Variants in TRAM1 observed in about 807,000 individuals in gnomAD.
The protein encoded by TRAM1 is translocating chain-associated membrane protein 1.
A neutral mutation model predicts 48.7 loss-of-function variants in TRAM1; 17 were observed. That is an observed-to-expected ratio of 0.35 (90% CI 0.24 to 0.52). The LOEUF (loss-of-function observed/expected upper bound fraction) is 0.52, where lower values mean the gene tolerates loss of function less well. Ranked by LOEUF, TRAM1 falls within the 20% of genes least tolerant of loss-of-function variation. The pLI is 0.94. For missense variants in TRAM1, 351 were observed against 441.5 expected (o/e 0.79, Z 1.84); for synonymous variants, 182 against 154.0 (o/e 1.18, Z -1.34).
At chr8:70,594,688 C>A in intron 5 of TRAM1, 98 bp from the exon 6 acceptor site, 1 of 894,882 alleles carries the variant, frequency 1.1e-6, no homozygotes, top group East Asian at 2.8e-5. Context: ...AAGTAACTAC[C>A]TTTGTGTCAT....
Position 70,608,064 on chromosome 8 carries a change from G to C in TRAM1, c.123+13C>G, listed in dbSNP as rs759432076. Reference sequence around the variant, plus strand: ...GTGGCGGGGCAGGCGGTTGGGACTCGGGGCGGGCTCACCTCAAACATGAGC... The same window carrying C: ...GTGGCGGGGCAGGCGGTTGGGACTCCGGGCGGGCTCACCTCAAACATGAGC... On this transcript the variant is annotated intron_variant, in intron 1 of 10. Transcript: ENST00000262213. 6.3e-7 allele frequency: 1 copy of C among 1,583,408 alleles called. No individual in the cohort carries two copies. Among genetic ancestry groups the C allele is most frequent in the Admixed American group, 1.8e-5 (1 of 56,894 alleles).
chr8:70,586,719 CT>C (rs1159205375), intron 8 of TRAM1, among the ~76,000 whole-genome samples, 175 bp downstream of exon 8: 1 of 152,142 alleles, frequency 6.6e-6, no homozygotes, highest in African/African-American at 2.4e-5. Flanking sequence ...CTGAGAAAGC[CT>C]CCATTTTAGA....
intron 4 of TRAM1, among the ~76,000 whole-genome samples, chr8:70,597,069 T>C (rs986502910): frequency 2.0e-5 from 3 of 152,176 alleles, no homozygotes; most frequent in African/African-American, 4.8e-5. Context: ...CTCACTGTTA[T>C]TCATCTCTAA....
intron 10 of TRAM1, among the ~76,000 whole-genome samples, chr8:70,579,877 C>T (rs78334572): frequency 0.027 from 4,112 of 152,102 alleles, 167 homozygotes; most frequent in African/African-American, 0.095. Context: ...TATTTATAGA[C>T]GCTGTAACTG....
Position 70,583,243 on chromosome 8 carries a change from C to G in TRAM1, c.972G>C (p.Arg324Ser). The G allele has an allele frequency of 1.2e-6, 2 of 1,613,898 alleles. No homozygotes were observed. Among genetic ancestry groups the G allele is most frequent in the Non-Finnish European group, 1.7e-6 (2 of 1,179,972 alleles). ...KFINFQLRRW[R>S]EHSAFQAPAV... ...CTGGTGCCTGAAAAGCAGAATGTTC[C>G]CTCCACCTTCGAAGCTGAAAATTAA... The change falls in exon 10 of 11, where the codon AGG becomes AGC. Residue 324 changes from arginine (R) to serine (S), a missense_variant. Physicochemically the swap from Arg to Ser is moderately radical, Grantham distance 110 (BLOSUM62 -1). Transcript: ENST00000262213.
intron 1 of TRAM1, among the ~76,000 whole-genome samples, chr8:70,601,100 T>C (rs189598996): frequency 1.2e-4 from 19 of 152,302 alleles, no homozygotes; most frequent in African/African-American, 3.8e-4. Context: ...TTTAGAAGGA[T>C]TGCTCTCTGT....
At chr8:70,597,584 C>T (rs562598280) in intron 4 of TRAM1, among the ~76,000 whole-genome samples, 7 of 143,572 alleles carry the variant, frequency 4.9e-5, no homozygotes, top group South Asian at 2.3e-4. Flanking sequence ...GCAGGAGAAT[C>T]GCTTGAACCC....
intron 6 of TRAM1, 68 bp downstream of exon 6, chr8:70,594,438 A>C (rs369508994): frequency 2.1e-5 from 29 of 1,353,330 alleles, no homozygotes; most frequent in African/African-American, 2.0e-4. Flanking sequence ...AAAATACTTA[A>C]TTTTAGAAAA....
chr8:70,599,040 C>T lies in TRAM1; in HGVS notation c.188-785G>A, dbSNP rs150844957. 4.6e-5 allele frequency among the ~76,000 whole-genome samples: 7 copies of T among 152,230 alleles called. No individual in the cohort carries two copies. In the East Asian group the frequency reaches 1.4e-3, roughly 29 times the overall value. ...CCAACACTTAGGGAGGCAAGGATTG[C>T]TTGAGGCCCAAATTCAAGACTGACC... is the stretch of plus-strand genomic sequence containing the variant. On this transcript the variant is annotated intron_variant, in intron 2 of 10. Coordinates refer to ENST00000262213, the MANE Select transcript of TRAM1 (RefSeq NM_014294.6).
At chr8:70,582,463 T>C (rs944507503) in intron 10 of TRAM1, among the ~76,000 whole-genome samples, 16 of 150,468 alleles carry the variant, frequency 1.1e-4, no homozygotes, top group Non-Finnish European at 2.2e-4. Flanking sequence ...CTAGATCAAG[T>C]TGTACTAAAA....
At chr8:70,577,722 G>A (rs564899072) in intron 10 of TRAM1, among the ~76,000 whole-genome samples, 1 of 152,258 alleles carries the variant, frequency 6.6e-6, no homozygotes, top group Non-Finnish European at 1.5e-5. Context: ...AAGAAAGAGA[G>A]AAGAGCTGTG....
At chr8:70,575,054 A>AGTT (rs1245272635) in intron 10 of TRAM1, 49 bp from the exon 11 acceptor site, 1 of 1,348,594 alleles carries the variant, frequency 7.4e-7, no homozygotes, top group Non-Finnish European at 1.0e-6. Context: ...AATAAATGCA[A>AGTT]GTTATAATCT....
intron 10 of TRAM1, among the ~76,000 whole-genome samples, chr8:70,581,584 G>C (rs866165920): frequency 2.6e-5 from 4 of 152,204 alleles, no homozygotes; most frequent in Middle Eastern, 6.8e-3. Flanking sequence ...CATAGTTACC[G>C]CATGACTCGG....
chr8:70,576,668 T>C (rs1206680475), intron 10 of TRAM1, among the ~76,000 whole-genome samples: 2 of 152,332 alleles, frequency 1.3e-5, no homozygotes, highest in East Asian at 1.9e-4. Flanking sequence ...TTCTCAGTGA[T>C]GGCAGCGGCA....
chr8:70,605,630 C>T (rs1245278455), intron 1 of TRAM1, among the ~76,000 whole-genome samples: 1 of 152,038 alleles, frequency 6.6e-6, no homozygotes, highest in Non-Finnish European at 1.5e-5. Context: ...TTTTAAAAGT[C>T]GAATAGCAAA....
chr8:70,592,920 T>G (rs193145622), intron 6 of TRAM1, among the ~76,000 whole-genome samples: 15 of 152,296 alleles, frequency 9.8e-5, no homozygotes, highest in African/African-American at 3.1e-4. Flanking sequence ...TCGTTTTTGT[T>G]TTTTAAGTTC....
chr8:70,586,277 G>GT (rs1330822021), intron 8 of TRAM1, among the ~76,000 whole-genome samples: 21 of 18,158 alleles, frequency 1.2e-3, no homozygotes, highest in African/African-American at 3.7e-3. Context: ...CTGTTGTGGG[G>GT]TGGGGGAGGG....
chr8:70,576,800 C>T (rs1009725477), intron 10 of TRAM1, among the ~76,000 whole-genome samples: 2 of 152,122 alleles, frequency 1.3e-5, no homozygotes, highest in African/African-American at 2.4e-5. Flanking sequence ...GTGGGAGTCC[C>T]GCACTCCTGG....
rs549158793 is a variant in TRAM1, at chr8:70,588,822, G to A, written c.571-1646C>T. Among the ~76,000 whole-genome samples the A allele has an allele frequency of 2.6e-5, 4 of 152,276 alleles. No homozygotes were observed. In the South Asian group the frequency reaches 6.2e-4, roughly 24 times the overall value. ...ATTTCTAATTTCCTTTGTTGTAGCA[G>A]TTTTCTTCGTATGTATATTTACAAG... On this transcript the variant is annotated intron_variant, in intron 6 of 10. Coordinates refer to ENST00000262213, the MANE Select transcript of TRAM1 (RefSeq NM_014294.6).
Sources: gnomAD v4.1 joint callset for allele counts (sites outside exome capture counted in the v4.1 genomes callset) on GRCh38, gnomAD v4.1.1 for gene constraint, MANE v1.5 for transcripts, NCBI Gene and HGNC (gene_info 2026-07-23, HGNC 2026-07-21) for gene names.